TENM2: variants seen among roughly 807,000 people sequenced by gnomAD.
TENM2 encodes the protein teneurin transmembrane protein 2.
TENM2 carries 52 observed loss-of-function variants against 245.2 expected under a neutral mutation model. The observed-to-expected ratio is 0.21, with a 90% CI of 0.17 to 0.27. The LOEUF is 0.27. Ranked by LOEUF, TENM2 falls within the 10% of genes least tolerant of loss-of-function variation. TENM2 has a pLI of 1.00. For synonymous variants in TENM2, 1,363 were observed against 1,438.9 expected, an observed-to-expected ratio of 0.95 and a Z score of 1.19; for missense variants, 3,046 against 3,666.8, an observed-to-expected ratio of 0.83 and a Z score of 4.37.
intron 5 of TENM2, among the ~76,000 whole-genome samples, chr5:168,045,876 G>A (rs945262600): frequency 6.6e-6 from 1 of 152,150 alleles, no homozygotes; most frequent in African/African-American, 2.4e-5. Flanking sequence ...ATGGAATCTG[G>A]TCTCTTCAAG....
chr5:167,049,336 C>G, the TENM2 span, among the ~76,000 whole-genome samples: 11 of 152,142 alleles, frequency 7.2e-5, no homozygotes, highest in African/African-American at 2.7e-4. Context: ...ATTTGTGGAG[C>G]ATTCAGGGTT....
At chr5:167,138,150 A>G in the TENM2 span, among the ~76,000 whole-genome samples, 1 of 152,246 alleles carries the variant, frequency 6.6e-6, no homozygotes, top group African/African-American at 2.4e-5. Flanking sequence ...TTTGCTTTCA[A>G]AGAAAACAAT....
the TENM2 span, among the ~76,000 whole-genome samples, chr5:167,135,093 T>C: frequency 2.0e-5 from 3 of 152,218 alleles, no homozygotes; most frequent in Non-Finnish European, 4.4e-5. Context: ...TAAAACTGTT[T>C]AGAGGCACCC....
chr5:168,216,715 C>T, intron 21 of TENM2, 53 bp from the exon 24 acceptor site: 1 of 1,600,606 alleles, frequency 6.2e-7, no homozygotes. Flanking sequence ...CACCTCCACC[C>T]CGCAATCCTA....
chr5:168,127,743 A>C (rs1795956484), intron 12 of TENM2, among the ~76,000 whole-genome samples: 1 of 152,170 alleles, frequency 6.6e-6, no homozygotes, highest in South Asian at 2.1e-4. Context: ...AAAGTTGTCA[A>C]CTTGAGCATC....
chr5:168,023,335 GTGA>G (rs1217932029), intron 5 of TENM2, among the ~76,000 whole-genome samples: 7 of 152,184 alleles, frequency 4.6e-5, no homozygotes, highest in Admixed American at 4.6e-4. Flanking sequence ...TGGGTAAGCC[GTGA>G]TGATTTCCAG....
At chr5:168,241,242 C>CTTTTCT (rs145281913) in intron 25 of TENM2, 3,252 of 147,822 alleles carry the variant, frequency 0.022, 117 homozygotes, top group African/African-American at 0.076. Flanking sequence ...GATGCATTCT[C>CTTTTCT]TTTTCTTTTT....
the TENM2 span, among the ~76,000 whole-genome samples, chr5:167,173,831 C>T: frequency 1.3e-5 from 2 of 151,820 alleles, no homozygotes; most frequent in Middle Eastern, 3.2e-3. Context: ...GAAGTAATAT[C>T]GCAATGGGAG....
At chr5:167,171,486 C>T in the TENM2 span, among the ~76,000 whole-genome samples, 8 of 152,142 alleles carry the variant, frequency 5.3e-5, no homozygotes. Context: ...AAAAGAAATA[C>T]ATATGAAGCC....
At chr5:167,559,012 G>GTTGA (rs1315544804) in intron 2 of TENM2, among the ~76,000 whole-genome samples, 1 of 152,188 alleles carries the variant, frequency 6.6e-6, no homozygotes, top group Non-Finnish European at 1.5e-5. Flanking sequence ...GAGCAACAGT[G>GTTGA]TTGATCTATA....
chr5:168,158,060 T>C (rs1757347941), intron 12 of TENM2, among the ~76,000 whole-genome samples: 1 of 152,102 alleles, frequency 6.6e-6, no homozygotes, highest in Non-Finnish European at 1.5e-5. Context: ...GAAGCTGGGA[T>C]TACAGGCACC....
the TENM2 span, among the ~76,000 whole-genome samples, chr5:167,008,879 A>G: frequency 6.6e-6 from 1 of 152,184 alleles, no homozygotes; most frequent in Non-Finnish European, 1.5e-5. Context: ...AGACAGTCCT[A>G]TTTATAGGAA....
intron 17 of TENM2, among the ~76,000 whole-genome samples, chr5:168,203,050 A>G (rs906568585): frequency 6.6e-6 from 1 of 152,106 alleles, no homozygotes; most frequent in Non-Finnish European, 1.5e-5. Flanking sequence ...TCTCTCTCCC[A>G]TTTGTCCATG....
chr5:167,142,579 C>T, the TENM2 span, among the ~76,000 whole-genome samples: 1 of 150,960 alleles, frequency 6.6e-6, no homozygotes, highest in Non-Finnish European at 1.5e-5. Flanking sequence ...GAGACGGAGT[C>T]TCACTCTTTC....
the TENM2 span, among the ~76,000 whole-genome samples, chr5:167,024,415 A>G: frequency 1.7e-3 from 253 of 152,330 alleles, 2 homozygotes; most frequent in East Asian, 0.031. Flanking sequence ...CTTCTCCTAC[A>G]GTTTGCATCG....
chr5:167,374,975 A>G (rs1409538745), intron 1 of TENM2, among the ~76,000 whole-genome samples: 1 of 152,114 alleles, frequency 6.6e-6, no homozygotes, highest in Non-Finnish European at 1.5e-5. Context: ...ATAAAATCTG[A>G]GCATTTTGTC....
chr5:167,301,548 G>A (rs1755327842), intron 1 of TENM2, among the ~76,000 whole-genome samples: 2 of 152,208 alleles, frequency 1.3e-5, no homozygotes, highest in Non-Finnish European at 2.9e-5. Flanking sequence ...AGTAAGTCCT[G>A]TTGTGGGGTT....
At chr5:167,427,562 GGGAAGGAA>G (rs1173920491) in intron 2 of TENM2, among the ~76,000 whole-genome samples, 14 of 139,140 alleles carry the variant, frequency 1.0e-4, no homozygotes, top group Non-Finnish European at 1.9e-4. Flanking sequence ...CGGGAAGGAA[GGGAAGGAA>G]GGAAGGACGG....
At chr5:167,465,495 A>T (rs1177577332) in intron 2 of TENM2, among the ~76,000 whole-genome samples, 1 of 152,186 alleles carries the variant, frequency 6.6e-6, no homozygotes, top group Admixed American at 6.5e-5. Context: ...CTATGAAAGT[A>T]TTATTAATCT....
Sources: allele counts gnomAD v4.1 joint callset (sites outside exome capture counted in the v4.1 genomes callset), GRCh38; gene constraint gnomAD v4.1.1; transcripts MANE v1.5; gene names NCBI Gene and HGNC (gene_info 2026-07-23, HGNC 2026-07-21).